Variants in CAPZA1 observed in about 807,000 individuals in gnomAD.
CAPZA1 encodes the protein F-actin-capping protein subunit alpha-1.
In CAPZA1, 10 loss-of-function variants were observed where a neutral mutation model predicts 40.8. The observed-to-expected ratio is 0.25, with a 90% confidence interval of 0.15 to 0.42. The LOEUF is 0.42. Ranked by LOEUF, CAPZA1 falls within the 10% of genes least tolerant of loss-of-function variation. CAPZA1 has a pLI of 1.00. For synonymous variants in CAPZA1, 98 were observed against 115.0 expected (o/e 0.85, Z 0.95); for missense variants, 277 against 353.8 (o/e 0.78, Z 1.74).
intron 5 of CAPZA1, among the ~76,000 whole-genome samples, chr1:112,658,767 C>T (rs1671543898): frequency 1.3e-5 from 2 of 152,116 alleles, no homozygotes; most frequent in South Asian, 4.1e-4. Flanking sequence ...CTTGTATGAC[C>T]CAGCCTAAAT....
At chr1:112,646,589 T>C (rs1228251235) in intron 1 of CAPZA1, among the ~76,000 whole-genome samples, 2 of 152,146 alleles carry the variant, frequency 1.3e-5, no homozygotes, top group Admixed American at 1.3e-4. Flanking sequence ...ATAAATAAAT[T>C]AATAAAGTTA....
chr1:112,670,314 G>C lies in CAPZA1; in HGVS notation c.*182G>C. 2.0e-6 allele frequency: 1 copy of C among 500,710 alleles called. No homozygotes were observed. Among genetic ancestry groups the C allele is most frequent in the South Asian group, 3.6e-5 (1 of 28,036 alleles). The allele number at this position is 500,710 out of a possible 1,614,324, so 31.0% of individuals were successfully genotyped here. On this transcript the variant is annotated 3_prime_UTR_variant, in exon 10 of 10. Transcript: ENST00000263168. The stretch of plus-strand genomic sequence containing the variant: ...TTGTCTTGATTCTTTTGTGTTCTCT[G>C]CCTTGTAATTTTCTGTTACTGCTAT...
intron 1 of CAPZA1, among the ~76,000 whole-genome samples, chr1:112,637,818 AATC>A (rs1206361079): frequency 6.6e-6 from 1 of 152,210 alleles, no homozygotes; most frequent in African/African-American, 2.4e-5. Context: ...AAAAAAGAAT[AATC>A]ATATTTCATG....
rs1253829288 is a variant in CAPZA1, at chr1:112,639,814, G to C, written c.40-7396G>C. On this transcript the variant is annotated intron_variant, in intron 1 of 9. Transcript: ENST00000263168. ...CGCCTCTGCCCGGCCGCCCCTACTGGGAAGTGAGGAGCCCCTCTGCCCGGC... is the reference window on the plus strand; with the variant it reads ...CGCCTCTGCCCGGCCGCCCCTACTGCGAAGTGAGGAGCCCCTCTGCCCGGC... Among the ~76,000 whole-genome samples, 3 of 150,314 alleles carry C rather than the reference G, an allele frequency of 2.0e-5. No homozygotes were observed. The South Asian group carries it at 6.3e-4, about 32-fold the overall frequency.
At chr1:112,668,944 T>A (rs1392139954) in intron 8 of CAPZA1, among the ~76,000 whole-genome samples, 1 of 152,218 alleles carries the variant, frequency 6.6e-6, no homozygotes, top group East Asian at 1.9e-4. Flanking sequence ...TCATAGTCTG[T>A]CTTAGGACTG....
intron 1 of CAPZA1, among the ~76,000 whole-genome samples, chr1:112,635,574 C>T (rs1296981321): frequency 4.3e-5 from 6 of 139,424 alleles, no homozygotes; most frequent in Admixed American, 7.3e-5. Flanking sequence ...TTTTTTGAGA[C>T]GAGTAGCTGG....
intron 1 of CAPZA1, chr1:112,626,082 A>G (rs1670800003): frequency 6.6e-6 from 1 of 152,466 alleles, no homozygotes; most frequent in African/African-American, 2.4e-5. Context: ...ACAATAGCTG[A>G]GCAGTTGAGA....
intron 1 of CAPZA1, among the ~76,000 whole-genome samples, chr1:112,645,232 C>T (rs1671257891): frequency 6.6e-6 from 1 of 152,180 alleles, no homozygotes; most frequent in African/African-American, 2.4e-5. Flanking sequence ...AAAGTCAGAG[C>T]ACCATTTATG....
intron 1 of CAPZA1, among the ~76,000 whole-genome samples, chr1:112,642,116 C>CCTGTACT (rs1357799899): frequency 2.0e-5 from 3 of 150,320 alleles, no homozygotes; most frequent in African/African-American, 7.3e-5. Flanking sequence ...TATATTGTTT[C>CCTGTACT]CTGTACTCGG....
intron 1 of CAPZA1, among the ~76,000 whole-genome samples, chr1:112,623,866 C>A (rs1351807867): frequency 2.7e-5 from 4 of 150,766 alleles, no homozygotes; most frequent in Non-Finnish European, 5.9e-5. Flanking sequence ...ATTAGCCGGG[C>A]GTGGTGGCAG....
chr1:112,652,791 ATCTT>A (rs1287264435), intron 3 of CAPZA1, among the ~76,000 whole-genome samples: 16 of 152,082 alleles, frequency 1.1e-4, no homozygotes, highest in Admixed American at 4.6e-4. Flanking sequence ...TCTTATTTCC[ATCTT>A]TCTTTTATCT....
At chr1:112,651,239 T>G (rs977262967) in intron 3 of CAPZA1, among the ~76,000 whole-genome samples, 1 of 152,202 alleles carries the variant, frequency 6.6e-6, no homozygotes, top group Non-Finnish European at 1.5e-5. Flanking sequence ...AATAGGGTGT[T>G]GTAAGTTATG....
intron 1 of CAPZA1, among the ~76,000 whole-genome samples, chr1:112,637,646 C>T (rs984545278): frequency 1.3e-5 from 2 of 152,188 alleles, no homozygotes; most frequent in Non-Finnish European, 2.9e-5. Flanking sequence ...GAGATAAGAT[C>T]TTACTGTGTT....
chr1:112,647,368 A>G (rs1176348900), intron 2 of CAPZA1, 95 bp downstream of exon 2: 10 of 618,122 alleles, frequency 1.6e-5, no homozygotes, highest in Admixed American at 9.3e-5. Flanking sequence ...TTGTAGCCAT[A>G]GCTAAGTAAA....
At chr1:112,655,608 G>T (rs1008063290) in intron 5 of CAPZA1, among the ~76,000 whole-genome samples, 1 of 152,056 alleles carries the variant, frequency 6.6e-6, no homozygotes, top group Non-Finnish European at 1.5e-5. Context: ...TGTCACCCAG[G>T]CTAGAATGCA....
At chr1:112,637,125 T>C (rs892447498) in intron 1 of CAPZA1, among the ~76,000 whole-genome samples, 1 of 152,224 alleles carries the variant, frequency 6.6e-6, no homozygotes, top group African/African-American at 2.4e-5. Flanking sequence ...CAATTCCAGC[T>C]CCACCCATTT....
chr1:112,628,379 G>A (rs1002301045), intron 1 of CAPZA1, among the ~76,000 whole-genome samples: 8 of 152,028 alleles, frequency 5.3e-5, no homozygotes, highest in South Asian at 4.2e-4. Context: ...GGTCTCTCTC[G>A]GGGATAAACT....
Position 112,671,185 on chromosome 1 carries a change from C to T in CAPZA1, c.*1053C>T, listed in dbSNP as rs1019420249. Reference sequence around the variant, plus strand: ...TCAAATTACTCTTCCTCAGTCCTGCCTGCCAAGAACTCAAGTGTAACTGTG... The same window carrying T: ...TCAAATTACTCTTCCTCAGTCCTGCTTGCCAAGAACTCAAGTGTAACTGTG... On this transcript the variant is annotated 3_prime_UTR_variant, in exon 10 of 10. Coordinates refer to ENST00000263168, the MANE Select transcript of CAPZA1 (RefSeq NM_006135.3). The T allele has an allele frequency of 1.3e-5, 2 of 152,594 alleles. No homozygotes were observed. The highest frequency in any genetic ancestry group is 2.4e-5 in the African/African-American group (1 of 41,436). 9.5% of individuals were successfully genotyped at this position (152,594 alleles called of 1,614,324 possible). A position where few individuals can be genotyped will look rare whatever the true frequency, so the allele number is the denominator to read the frequency against.
At chr1:112,627,242 A>G (rs1026143376) in intron 1 of CAPZA1, among the ~76,000 whole-genome samples, 2 of 152,214 alleles carry the variant, frequency 1.3e-5, no homozygotes, top group African/African-American at 4.8e-5. Flanking sequence ...AGCAGTTTTG[A>G]TGAAATAATG....
Sources: gnomAD v4.1 joint callset for allele counts (sites outside exome capture counted in the v4.1 genomes callset) on GRCh38, gnomAD v4.1.1 for gene constraint, MANE v1.5 for transcripts, NCBI Gene and HGNC (gene_info 2026-07-23, HGNC 2026-07-21) for gene names.